The following CIMIP6 variants were observed in gnomAD, a reference collection of about 807,000 sequenced individuals.
CIMIP6 encodes ciliary microtubule inner protein 6, also known as uncharacterized protein C2orf73.
the CIMIP6 span, chr2:54,359,015 A>C: frequency 6.4e-7 from 1 of 1,557,244 alleles, no homozygotes; most frequent in African/African-American, 1.4e-5. Flanking sequence ...TATAGAATAC[A>C]TCTCTTTTAT....
At chr2:54,373,026 C>T in the CIMIP6 span, among the ~76,000 whole-genome samples, 2 of 152,236 alleles carry the variant, frequency 1.3e-5, no homozygotes, top group African/African-American at 4.8e-5. Flanking sequence ...CCTTACCACT[C>T]CCCTCATCCA....
the CIMIP6 span, among the ~76,000 whole-genome samples, chr2:54,340,982 AAAT>A: frequency 6.6e-6 from 1 of 152,122 alleles, no homozygotes; most frequent in African/African-American, 2.4e-5. Flanking sequence ...TAATAATAAC[AAAT>A]AATAATAATT....
At chr2:54,358,996 A>G in the CIMIP6 span, 4 of 1,553,228 alleles carry the variant, frequency 2.6e-6, no homozygotes, top group African/African-American at 4.1e-5. Context: ...CAGAACTTCA[A>G]AACAATTTTA....
At chr2:54,344,400 C>T in the CIMIP6 span, among the ~76,000 whole-genome samples, 5 of 152,024 alleles carry the variant, frequency 3.3e-5, no homozygotes, top group Admixed American at 3.3e-4. Context: ...CTTTCTGGAA[C>T]GTAGCAAAGA....
the CIMIP6 span, among the ~76,000 whole-genome samples, chr2:54,363,650 A>AT: frequency 0.029 from 4,373 of 151,490 alleles, 129 homozygotes; most frequent in Non-Finnish European, 0.038. Flanking sequence ...TTATTTAAAA[A>AT]TTTTTTTTTC....
the CIMIP6 span, among the ~76,000 whole-genome samples, chr2:54,377,043 G>A: frequency 6.6e-6 from 1 of 152,084 alleles, no homozygotes; most frequent in Non-Finnish European, 1.5e-5. Flanking sequence ...CGGTTCTCTC[G>A]GCCAAGTCTC....
At chr2:54,363,721 C>A in the CIMIP6 span, among the ~76,000 whole-genome samples, 2 of 152,190 alleles carry the variant, frequency 1.3e-5, no homozygotes, top group East Asian at 3.9e-4. Flanking sequence ...CTATATTTAT[C>A]TACATTTTAT....
the CIMIP6 span, among the ~76,000 whole-genome samples, chr2:54,358,658 A>T: frequency 1.3e-5 from 2 of 152,100 alleles, no homozygotes; most frequent in Non-Finnish European, 2.9e-5. Flanking sequence ...GCCTCCTCCC[A>T]GGGCATGCTG....
chr2:54,357,547 A>T, the CIMIP6 span, among the ~76,000 whole-genome samples: 8 of 150,194 alleles, frequency 5.3e-5, no homozygotes, highest in Admixed American at 2.7e-4. Flanking sequence ...CATTTCACAG[A>T]TATGTTCGTT....
chr2:54,355,978 A>C, the CIMIP6 span, among the ~76,000 whole-genome samples: 310 of 152,276 alleles, frequency 2.0e-3, no homozygotes, highest in Non-Finnish European at 3.7e-3. Context: ...AAGGCTGAAG[A>C]CCAGGGTCTG....
the CIMIP6 span, chr2:54,360,341 G>A: frequency 2.5e-6 from 4 of 1,610,720 alleles, no homozygotes; most frequent in South Asian, 4.4e-5. Flanking sequence ...AAACTCAGCG[G>A]AAAGCAGAAT....
At chr2:54,374,439 A>G in the CIMIP6 span, among the ~76,000 whole-genome samples, 1 of 152,226 alleles carries the variant, frequency 6.6e-6, no homozygotes, top group Non-Finnish European at 1.5e-5. Context: ...ATGGCATTTT[A>G]AAGTATAAAG....
At chr2:54,337,877 T>C in the CIMIP6 span, among the ~76,000 whole-genome samples, 1 of 152,040 alleles carries the variant, frequency 6.6e-6, no homozygotes, top group Admixed American at 6.6e-5. Context: ...CATCACTGAG[T>C]TACAAGCATG....
At chr2:54,370,238 G>C in the CIMIP6 span, among the ~76,000 whole-genome samples, 1 of 152,018 alleles carries the variant, frequency 6.6e-6, no homozygotes, top group Non-Finnish European at 1.5e-5. Flanking sequence ...CTGGGCAGCA[G>C]AGTAAGACTC....
At chr2:54,376,216 T>C in the CIMIP6 span, among the ~76,000 whole-genome samples, 1 of 151,982 alleles carries the variant, frequency 6.6e-6, no homozygotes, top group Non-Finnish European at 1.5e-5. Context: ...CTACCTTTTT[T>C]TTTTTTGGGT....
At chr2:54,368,880 G>A in the CIMIP6 span, among the ~76,000 whole-genome samples, 4 of 152,100 alleles carry the variant, frequency 2.6e-5, no homozygotes, top group African/African-American at 4.8e-5. Flanking sequence ...GAATTCTCTC[G>A]GACCCTGCCC....
At chr2:54,343,455 T>G in the CIMIP6 span, among the ~76,000 whole-genome samples, 163 of 152,346 alleles carry the variant, frequency 1.1e-3, no homozygotes, top group African/African-American at 3.8e-3. Flanking sequence ...TTGCTGATTT[T>G]TACCACTTCA....
chr2:54,373,196 C>T, the CIMIP6 span, among the ~76,000 whole-genome samples: 3 of 152,172 alleles, frequency 2.0e-5, no homozygotes, highest in Admixed American at 2.0e-4. Flanking sequence ...GAAGGAGTGA[C>T]ACAACCTTCA....
chr2:54,333,050 C>A, the CIMIP6 span, among the ~76,000 whole-genome samples: 1 of 152,138 alleles, frequency 6.6e-6, no homozygotes, highest in East Asian at 1.9e-4. Flanking sequence ...TAAACTCCAG[C>A]AGATTCACCA....
Sources: gnomAD v4.1 joint callset for allele counts (sites outside exome capture counted in the v4.1 genomes callset) on GRCh38, gnomAD v4.1.1 for gene constraint, MANE v1.5 for transcripts, NCBI Gene and HGNC (gene_info 2026-07-23, HGNC 2026-07-21) for gene names.